ZFP90: variants seen among roughly 807,000 people sequenced by gnomAD.
ZFP90 encodes the protein zinc finger protein 90 homolog.
A neutral mutation model predicts 60.8 loss-of-function variants in ZFP90; 38 were observed. That is an observed-to-expected ratio of 0.62 (90% CI 0.48 to 0.82). The LOEUF is 0.82. Among genes scored for constraint, ZFP90 ranks in the 40% least tolerant of loss-of-function variants. The pLI is 0.00. For synonymous variants in ZFP90, 287 were observed against 264.8 expected (o/e 1.08, Z -0.82); for missense variants, 711 against 759.1 (o/e 0.94, Z 0.74).
In ZFP90 at chr16:68,539,410, G is replaced by A. The variant is rs2090993590; in HGVS notation, c.-105G>A. ...AACCGAGGCTTCGGCGGGGGCGGGA[G>A]GAGCTGCCCGAGGCTCTGGGTGGGC... is the stretch of plus-strand genomic sequence containing the variant. On this transcript the variant is annotated 5_prime_UTR_variant, in exon 1 of 5. Transcript: ENST00000563169. 2 of 303,318 alleles carry A rather than the reference G, an allele frequency of 6.6e-6. No individual in the cohort carries two copies. Among genetic ancestry groups the A allele is most frequent in the Non-Finnish European group, 6.1e-6 (1 of 164,014 alleles). 18.8% of individuals were successfully genotyped at this position (303,318 alleles called of 1,614,324 possible).
In ZFP90 at chr16:68,564,474, A is replaced by AGTCAAAGTTCATCT; in HGVS notation, c.1688_1701dup (p.Leu568ValfsTer88). The AGTCAAAGTTCATCT allele has an allele frequency of 1.2e-6, 2 of 1,614,130 alleles. No individual in the cohort carries two copies. The highest frequency in any genetic ancestry group is 2.7e-5 in the African/African-American group (2 of 75,054). On this transcript the variant is annotated frameshift_variant, in exon 5 of 5. Transcript: ENST00000563169. LOFTEE classifies it high-confidence loss of function. ...ATGTATTGACTGTGGGAAAGCCTTT[A>AGTCAAAGTTCATCT]GTCAAAGTTCATCTCTCATTCAGCA...
chr16:68,544,204 G>A (rs1230387586), intron 2 of ZFP90, among the ~76,000 whole-genome samples: 1 of 152,144 alleles, frequency 6.6e-6, no homozygotes, highest in Non-Finnish European at 1.5e-5. Context: ...AAACAAAAAA[G>A]GCATTTGCCA....
chr16:68,568,512 C>T (rs905559910), downstream of ZFP90, among the ~76,000 whole-genome samples: 2 of 152,140 alleles, frequency 1.3e-5, no homozygotes, highest in Non-Finnish European at 2.9e-5. Context: ...CAAAGCTAAG[C>T]ATATCTCATG....
chr16:68,566,395 A>G lies in ZFP90; in HGVS notation c.*1697A>G. 1 of 985,580 alleles carries G rather than the reference A, an allele frequency of 1.0e-6. No homozygotes were observed. The highest frequency in any genetic ancestry group is 1.2e-6 in the Non-Finnish European group (1 of 829,940). The allele number at this position is 985,580 out of a possible 1,614,324, so 61.1% of individuals were successfully genotyped here. On this transcript the variant is annotated 3_prime_UTR_variant, in exon 5 of 5. Transcript: ENST00000563169. ...ATGGGGCAAGATATTGGTCGTATTG[A>G]TGGTGAACCTTTCCTACTGGATTCT...
At chr16:68,571,652 A>T (rs2091568736), downstream of ZFP90, among the ~76,000 whole-genome samples, 1 of 152,172 alleles carries the variant, frequency 6.6e-6, no homozygotes, top group Non-Finnish European at 1.5e-5. Context: ...GGAGGGACCC[A>T]GCACGGCGGC....
intron 2 of ZFP90, among the ~76,000 whole-genome samples, chr16:68,541,567 G>T (rs1027480074): frequency 1.3e-5 from 2 of 152,052 alleles, no homozygotes; most frequent in Non-Finnish European, 2.9e-5. Flanking sequence ...AAAGTTCTGG[G>T]ATTACAGGCG....
intron 2 of ZFP90, among the ~76,000 whole-genome samples, chr16:68,551,901 G>A (rs887825887): frequency 1.3e-5 from 2 of 152,012 alleles, no homozygotes; most frequent in Non-Finnish European, 2.9e-5. Context: ...TGGGACTACA[G>A]GCGCTCGCCA....
intron 2 of ZFP90, among the ~76,000 whole-genome samples, chr16:68,540,314 G>A (rs2091018879): frequency 6.6e-6 from 1 of 152,018 alleles, no homozygotes; most frequent in Non-Finnish European, 1.5e-5. Flanking sequence ...TGGGCAAGGA[G>A]GCAAAAACAA....
chr16:68,575,983 C>T (rs962972013), exon 3 of ZFP90: 11 of 331,388 alleles, frequency 3.3e-5, no homozygotes, highest in African/African-American at 2.5e-4. Flanking sequence ...AACTCTGGAA[C>T]ATTTATTCCA....
At chr16:68,554,450 G>A (rs1053574722) in intron 2 of ZFP90, among the ~76,000 whole-genome samples, 2 of 152,182 alleles carry the variant, frequency 1.3e-5, no homozygotes, top group Admixed American at 6.5e-5. Context: ...CTGCAGTGAA[G>A]TGTTTGTGAA....
At chr16:68,559,122 G>C (rs1275408573) in intron 4 of ZFP90, among the ~76,000 whole-genome samples, 1 of 152,056 alleles carries the variant, frequency 6.6e-6, no homozygotes, top group African/African-American at 2.4e-5. Context: ...TAGGTCTTTA[G>C]CTTTTCTTGC....
chr16:68,575,832 A>G (rs1042377720), exon 3 of ZFP90: 2 of 398,304 alleles, frequency 5.0e-6, no homozygotes, highest in African/African-American at 4.1e-5. Flanking sequence ...ATCTGGGAGT[A>G]AGGGCGAAAG....
intron 2 of ZFP90, chr16:68,574,252 AAAAG>A (rs2091582203): frequency 1.5e-5 from 2 of 135,906 alleles, no homozygotes; most frequent in South Asian, 2.2e-4. Flanking sequence ...AAAAAAAAAA[AAAAG>A]GTTTTTCTTT....
At chr16:68,555,362 C>A (rs963948915) in intron 2 of ZFP90, 1 of 152,214 alleles carries the variant, frequency 6.6e-6, no homozygotes, top group Admixed American at 6.5e-5. Context: ...CCAGTTTCAT[C>A]CCTCCCCTGT....
chr16:68,564,403 C>G lies in ZFP90; in HGVS notation c.1616C>G (p.Ser539Trp), dbSNP rs763615131. The G allele has an allele frequency of 2.5e-6, 4 of 1,613,872 alleles. No homozygotes were observed. Among genetic ancestry groups the G allele is most frequent in the East Asian group, 2.2e-5 (1 of 44,866 alleles). Reference protein sequence around the residue: ...ECGEAFSRRSSLTQHERTHTG... With the variant: ...ECGEAFSRRSWLTQHERTHTG... ...GGAGAAGCCTTTAGTCGACGCTCAT[C>G]GCTTACTCAACATGAGAGAACCCAC... is the stretch of plus-strand genomic sequence containing the variant. The change falls in exon 5 of 5, where the codon TCG (serine) becomes TGG (tryptophan). Residue 539 changes from serine to tryptophan, a missense_variant. Physicochemically the swap from Ser to Trp is radical, Grantham distance 177. Transcript: ENST00000563169.
intron 2 of ZFP90, among the ~76,000 whole-genome samples, chr16:68,550,914 C>G (rs2091248547): frequency 6.6e-6 from 1 of 152,176 alleles, no homozygotes; most frequent in Non-Finnish European, 1.5e-5. Flanking sequence ...GTCCAGGTTT[C>G]CAGTCTTCAA....
chr16:68,538,964 T>A (rs1361838568), upstream of ZFP90, among the ~76,000 whole-genome samples: 1 of 152,228 alleles, frequency 6.6e-6, no homozygotes, highest in Admixed American at 6.5e-5. Flanking sequence ...AGTCAGGACC[T>A]GACATTATCT....
At chr16:68,538,268 C>G (rs1157699997), upstream of ZFP90, among the ~76,000 whole-genome samples, 1 of 152,130 alleles carries the variant, frequency 6.6e-6, no homozygotes, top group African/African-American at 2.4e-5. Flanking sequence ...ACATCAGGAA[C>G]ATTTCGTTGC....
At chr16:68,533,545 C>G (rs1389203021) in intron 1 of ZFP90, among the ~76,000 whole-genome samples, 1 of 152,192 alleles carries the variant, frequency 6.6e-6, no homozygotes, top group African/African-American at 2.4e-5. Flanking sequence ...ATTTGAAAGA[C>G]ACCCAACTTT....
Sources: gnomAD v4.1 joint callset for allele counts (sites outside exome capture counted in the v4.1 genomes callset) on GRCh38, gnomAD v4.1.1 for gene constraint, MANE v1.5 for transcripts, NCBI Gene and HGNC (gene_info 2026-07-23, HGNC 2026-07-21) for gene names.